The following CADPS variants were observed in gnomAD, a reference collection of about 807,000 sequenced individuals.
CADPS encodes the protein calcium dependent secretion activator.
CADPS carries 57 observed loss-of-function variants against 167.3 expected under a neutral mutation model. The ratio of observed to expected loss-of-function variants is 0.34; its 90% CI spans 0.28 to 0.42. CADPS has a LOEUF of 0.42. CADPS is among the 20% of genes least tolerant of loss of function. CADPS has a pLI of 1.00. For missense variants in CADPS, 1,414 were observed against 1,738.1 expected (o/e 0.81, Z 3.32); for synonymous variants, 676 against 635.3 (o/e 1.06, Z -0.96).
chr3:62,436,284 A>T (rs1560354010), intron 28 of CADPS, among the ~76,000 whole-genome samples: 1 of 152,154 alleles, frequency 6.6e-6, no homozygotes, highest in Non-Finnish European at 1.5e-5. Context: ...AGAGAACACA[A>T]GGTTATTGGT....
intron 12 of CADPS, chr3:62,536,221 A>T (rs1004487061): frequency 4.8e-6 from 2 of 417,392 alleles, no homozygotes; most frequent in Non-Finnish European, 8.6e-6. Flanking sequence ...AAGCTAAGAT[A>T]GGGAGGCTGG....
intron 21 of CADPS, among the ~76,000 whole-genome samples, chr3:62,482,593 CAG>C (rs1446935930): frequency 1.3e-5 from 2 of 152,188 alleles, no homozygotes; most frequent in Non-Finnish European, 1.5e-5. Flanking sequence ...CACACAGAAA[CAG>C]ACACCAAGGA....
At chr3:62,596,344 C>T (rs374791817) in intron 6 of CADPS, among the ~76,000 whole-genome samples, 23 of 151,890 alleles carry the variant, frequency 1.5e-4, no homozygotes, top group Admixed American at 5.2e-4. Flanking sequence ...TACAGGTGCC[C>T]GCCACCGTGC....
At chr3:62,533,332 A>G (rs2074094119) in intron 12 of CADPS, among the ~76,000 whole-genome samples, 1 of 152,178 alleles carries the variant, frequency 6.6e-6, no homozygotes, top group African/African-American at 2.4e-5. Flanking sequence ...GAGGGGGATT[A>G]GCAGACAGCT....
intron 6 of CADPS, among the ~76,000 whole-genome samples, chr3:62,598,950 C>T (rs2059298138): frequency 6.6e-6 from 1 of 152,130 alleles, no homozygotes; most frequent in African/African-American, 2.4e-5. Flanking sequence ...CACTATATCC[C>T]AGACAGACAA....
At chr3:62,432,122 G>A (rs1375775028) in intron 28 of CADPS, among the ~76,000 whole-genome samples, 1 of 151,960 alleles carries the variant, frequency 6.6e-6, no homozygotes, top group East Asian at 1.9e-4. Context: ...TTTGTTGAGG[G>A]GGTAGAGCTA....
In CADPS at chr3:62,703,041, A is replaced by G. The variant is rs561534791; in HGVS notation, c.889-40647T>C. On this transcript the variant is annotated intron_variant, in intron 3 of 29. Coordinates refer to ENST00000383710, the MANE Select transcript of CADPS (RefSeq NM_003716.4). ...CCTGGTGCCGGAGCCCATGTTCTCG[A>G]CTGTTTCATAATTATGTCAGAATTC... Among the ~76,000 whole-genome samples the G allele has an allele frequency of 9.1e-4, 139 of 152,224 alleles. 1 individual carries two copies. Among genetic ancestry groups the G allele is most frequent in the African/African-American group, 3.3e-3 (135 of 41,528 alleles).
In CADPS at chr3:62,420,903, GGCA is replaced by G. The variant is rs1560146313; in HGVS notation, c.3777+17198_3777+17200del. ...ACACACACACACACACACACACACA[GGCA>G]CACACACACACACTTGCCAGATCAC... On this transcript the variant is annotated intron_variant, in intron 28 of 29. Transcript: ENST00000383710. The surrounding 1 kb of genome is among the most constrained non-coding windows in gnomAD (Gnocchi z 4.1). 5.9e-4 allele frequency among the ~76,000 whole-genome samples: 33 copies of G among 56,360 alleles called. No homozygotes were observed. Among genetic ancestry groups the G allele is most frequent in the African/African-American group, 2.8e-3 (30 of 10,722 alleles). 37.0% of individuals were successfully genotyped at this position (56,360 alleles called of 152,430 possible). A position where few individuals can be genotyped will look rare whatever the true frequency, so the allele number is the denominator to read the frequency against.
intron 3 of CADPS, among the ~76,000 whole-genome samples, chr3:62,721,182 C>G (rs1438113697): frequency 6.8e-6 from 1 of 147,502 alleles, no homozygotes; most frequent in Non-Finnish European, 1.5e-5. Context: ...ACATTCAGGT[C>G]TCTGTGTGAG....
chr3:62,668,221 A>T (rs189946024), intron 3 of CADPS, among the ~76,000 whole-genome samples: 1 of 152,344 alleles, frequency 6.6e-6, no homozygotes, highest in East Asian at 1.9e-4. Context: ...CTTTCTGGAA[A>T]AACCTATGGT....
chr3:62,741,006 C>G (rs2080111114), intron 3 of CADPS, among the ~76,000 whole-genome samples: 1 of 152,114 alleles, frequency 6.6e-6, no homozygotes, highest in Non-Finnish European at 1.5e-5. Context: ...ATTGAAGGCA[C>G]TTCTTCAGAT....
intron 3 of CADPS, among the ~76,000 whole-genome samples, 188 bp from the exon 4 acceptor site, chr3:62,662,582 T>C (rs548481425): frequency 7.2e-5 from 11 of 152,236 alleles, no homozygotes; most frequent in African/African-American, 2.4e-4. Context: ...GAGCGTGATA[T>C]GGTAGGCAGC....
intron 23 of CADPS, among the ~76,000 whole-genome samples, chr3:62,475,597 A>AAAAC (rs2061196390): frequency 6.8e-6 from 1 of 146,332 alleles, no homozygotes; most frequent in African/African-American, 2.5e-5. Context: ...AAAAAAAAAA[A>AAAAC]AAAAAAAAAA....
In CADPS at chr3:62,632,513, C is replaced by T. The variant is rs767749837; in HGVS notation, c.1325+13209G>A. ...AAGGGTCCTGGGTCCAAGATTCCAC[C>T]GTAGAGTTGGAGTCAAGCCTGATTT... On this transcript the variant is annotated intron_variant, in intron 6 of 29. Coordinates refer to ENST00000383710, the MANE Select transcript of CADPS (RefSeq NM_003716.4). Among the ~76,000 whole-genome samples the T allele has an allele frequency of 3.3e-5, 5 of 152,024 alleles. No individual in the cohort carries two copies. In the South Asian group the frequency reaches 6.2e-4, roughly 19 times the overall value.
intron 3 of CADPS, among the ~76,000 whole-genome samples, chr3:62,750,024 T>A (rs1168034571): frequency 6.6e-6 from 1 of 152,216 alleles, no homozygotes; most frequent in African/African-American, 2.4e-5. Context: ...GCTGTGATTT[T>A]ATGTACATTA....
intron 13 of CADPS, among the ~76,000 whole-genome samples, chr3:62,520,186 T>C (rs2070133403): frequency 6.6e-6 from 1 of 152,218 alleles, no homozygotes; most frequent in South Asian, 2.1e-4. Flanking sequence ...GTGGTCATTA[T>C]TAGGAGATAA....
intron 3 of CADPS, among the ~76,000 whole-genome samples, chr3:62,739,095 C>T (rs552211972): frequency 6.6e-6 from 1 of 152,294 alleles, no homozygotes; most frequent in South Asian, 2.1e-4. Context: ...TTTTAGCTGG[C>T]CTTGTGACTT....
chr3:62,658,790 G>A (rs938056603), intron 4 of CADPS, among the ~76,000 whole-genome samples: 6 of 152,048 alleles, frequency 3.9e-5, no homozygotes, highest in African/African-American at 1.4e-4. Flanking sequence ...TTTTTCCATT[G>A]TAGATTGGTT....
At chr3:62,675,646 C>A (rs911890254) in intron 3 of CADPS, among the ~76,000 whole-genome samples, 1 of 152,196 alleles carries the variant, frequency 6.6e-6, no homozygotes, top group Admixed American at 6.5e-5. Context: ...CTGGGAAGTT[C>A]AAATTAAGAT....
Sources: allele counts gnomAD v4.1 joint callset (sites outside exome capture counted in the v4.1 genomes callset), GRCh38; gene constraint gnomAD v4.1.1; non-coding constraint Gnocchi (gnomAD v3.1); transcripts MANE v1.5; gene names NCBI Gene and HGNC (gene_info 2026-07-23, HGNC 2026-07-21).